The following NRXN1 variants were observed in gnomAD, a reference collection of about 807,000 sequenced individuals.
The protein encoded by NRXN1 is neurexin 1.
In NRXN1, 39 loss-of-function variants were observed where a neutral mutation model predicts 150.9. That is an observed-to-expected ratio of 0.26 (90% CI 0.20 to 0.34). The LOEUF (loss-of-function observed/expected upper bound fraction) is 0.34, where lower values mean the gene tolerates loss of function less well. Ranked by LOEUF, NRXN1 falls within the 10% of genes least tolerant of loss-of-function variation. The pLI is 1.00. For synonymous variants in NRXN1, 924 were observed against 757.0 expected (o/e 1.22, Z -3.62); for missense variants, 1,815 against 1,949.9 (o/e 0.93, Z 1.30).
chr2:50,820,400 G>A (rs1032971516), intron 5 of NRXN1, among the ~76,000 whole-genome samples: 2 of 152,106 alleles, frequency 1.3e-5, no homozygotes, highest in South Asian at 2.1e-4. Context: ...ATGACTGACA[G>A]TTCAGTGGAG....
chr2:50,417,220 A>G (rs929475393), intron 17 of NRXN1: 1 of 152,070 alleles, frequency 6.6e-6, no homozygotes, highest in Non-Finnish European at 1.5e-5. Context: ...CCCATCCTCC[A>G]CAAGATTGAG....
chr2:50,820,415 T>A (rs1275068930), intron 5 of NRXN1, among the ~76,000 whole-genome samples: 2 of 152,142 alleles, frequency 1.3e-5, no homozygotes, highest in East Asian at 3.9e-4. Flanking sequence ...GTGGAGGGTG[T>A]CCTTTTGACA....
intron 21 of NRXN1, among the ~76,000 whole-genome samples, chr2:50,029,875 G>A (rs1037309359): frequency 6.6e-6 from 1 of 151,918 alleles, no homozygotes; most frequent in African/African-American, 2.4e-5. Flanking sequence ...AACCTTATAA[G>A]AATATCTATC....
chr2:50,249,285 G>C (rs1712914), intron 17 of NRXN1, among the ~76,000 whole-genome samples: 4 of 151,718 alleles, frequency 2.6e-5, no homozygotes, highest in Non-Finnish European at 5.9e-5. Context: ...AATCCTATGA[G>C]AGATCACTTT....
At chr2:50,411,279 T>C (rs1486764681) in intron 17 of NRXN1, among the ~76,000 whole-genome samples, 2 of 152,178 alleles carry the variant, frequency 1.3e-5, no homozygotes, top group African/African-American at 2.4e-5. Context: ...CTGCCAGCCT[T>C]GGCCTCCCGA....
At chr2:50,725,645 C>A (rs376364239) in intron 5 of NRXN1, among the ~76,000 whole-genome samples, 38 of 152,048 alleles carry the variant, frequency 2.5e-4, no homozygotes, top group African/African-American at 8.9e-4. Context: ...TAGAAAATGC[C>A]CTTCTTACAA....
chr2:50,245,369 A>G (rs1382949033), intron 17 of NRXN1, among the ~76,000 whole-genome samples: 2 of 151,936 alleles, frequency 1.3e-5, no homozygotes, highest in African/African-American at 4.8e-5. Flanking sequence ...GTAATCCCAC[A>G]ACCAATAATC....
At chr2:50,939,210 CAAAAAAAAAA>C (rs78496825) in intron 2 of NRXN1, among the ~76,000 whole-genome samples, 1 of 68,318 alleles carries the variant, frequency 1.5e-5, no homozygotes, top group African/African-American at 5.1e-5. Flanking sequence ...GACTCCATCT[CAAAAAAAAAA>C]AAAAAAAAAA....
chr2:49,993,571 G>C lies in NRXN1; in HGVS notation c.4129-49780C>G, dbSNP rs141583712. ...TGGTTGATTATGATGTGTCAATGCA[G>C]GCTCACCAATTGTAACAAATGCACT... On this transcript the variant is annotated intron_variant, in intron 21 of 22. Transcript: ENST00000401669. Among the ~76,000 whole-genome samples the C allele has an allele frequency of 8.5e-3, 1,287 of 152,198 alleles. 18 individuals are homozygous for C. Among genetic ancestry groups the C allele is most frequent in the African/African-American group, 0.029 (1,208 of 41,522 alleles).
intron 19 of NRXN1, among the ~76,000 whole-genome samples, chr2:50,060,646 C>T (rs1257610721): frequency 6.6e-6 from 1 of 152,100 alleles, no homozygotes; most frequent in Non-Finnish European, 1.5e-5. Context: ...ATGGGAGACA[C>T]CCAGTGGGAG....
At position 50,435,737 on chromosome 2, in the gene NRXN1, G is replaced by A. The variant is rs75949086; in HGVS notation, c.3364+29705C>T. Among the ~76,000 whole-genome samples the A allele has an allele frequency of 3.0e-3, 454 of 152,230 alleles. 5 individuals are homozygous for A. The highest frequency in any genetic ancestry group is 0.01 in the African/African-American group (423 of 41,542). On this transcript the variant is annotated intron_variant, in intron 17 of 22. Coordinates refer to ENST00000401669, the MANE Select transcript of NRXN1 (RefSeq NM_001330078.2). ...ATCACCAGACTGTTCTCACTATCAA[G>A]TGGGAGCTAAACATTGAGAACACAT... is the stretch of plus-strand genomic sequence containing the variant.
chr2:50,318,631 T>A (rs1049062329), intron 17 of NRXN1, among the ~76,000 whole-genome samples: 2 of 152,002 alleles, frequency 1.3e-5, no homozygotes, highest in Non-Finnish European at 2.9e-5. Context: ...AATGCTATAA[T>A]AAACCCCAAA....
At position 50,061,855 on chromosome 2, in the gene NRXN1, C is replaced by T. The variant is rs555033472; in HGVS notation, c.3719-6811G>A. 9.2e-5 allele frequency among the ~76,000 whole-genome samples: 14 copies of T among 152,120 alleles called. No homozygotes were observed. In the South Asian group the frequency reaches 1.9e-3, roughly 20 times the overall value. On this transcript the variant is annotated intron_variant, in intron 19 of 22. Transcript: ENST00000401669. ...TCAGTGACAACATACATGCCTCTGC[C>T]GAAGTAATTTTCAAGCAATGAAACT...
intron 2 of NRXN1, among the ~76,000 whole-genome samples, chr2:51,004,062 G>C (rs915384491): frequency 3.5e-5 from 5 of 142,924 alleles, no homozygotes; most frequent in South Asian, 2.2e-4. Flanking sequence ...CTTGTGTGGT[G>C]GTGGGGGAAA....
At chr2:50,019,484 A>C (rs1004754988) in intron 21 of NRXN1, among the ~76,000 whole-genome samples, 3 of 151,004 alleles carry the variant, frequency 2.0e-5, no homozygotes, top group African/African-American at 7.3e-5. Context: ...CTCTACTAAA[A>C]ATACAAAAAT....
chr2:50,874,045 C>G (rs760143199), intron 5 of NRXN1, among the ~76,000 whole-genome samples: 1 of 151,816 alleles, frequency 6.6e-6, no homozygotes, highest in Non-Finnish European at 1.5e-5. Flanking sequence ...TAGGACACAA[C>G]GTAGTATTTT....
In NRXN1 at chr2:49,927,036, A is replaced by G. The variant is rs146244448; in HGVS notation, c.4217-4785T>C. Among the ~76,000 whole-genome samples the G allele has an allele frequency of 3.9e-4, 59 of 152,088 alleles. No homozygotes were observed. In the East Asian group the frequency reaches 0.011, roughly 28 times the overall value. On this transcript the variant is annotated intron_variant, in intron 22 of 22. Transcript: ENST00000401669. ...AATTATCCTTGTAGGGGCCCTCCCC[A>G]CCCCCAGGTAAATGAAGAAGGTCAG...
Position 50,828,278 on chromosome 2 carries a change from C to A in NRXN1, c.832+93591G>T, listed in dbSNP as rs1277012774. 3.6e-5 allele frequency among the ~76,000 whole-genome samples: 5 copies of A among 137,472 alleles called. No individual in the cohort carries two copies. The East Asian group carries it at 7.1e-4, about 20-fold the overall frequency. 90.2% of individuals were successfully genotyped at this position (137,472 alleles called of 152,430 possible). A position where few individuals can be genotyped will look rare whatever the true frequency, so the allele number is the denominator to read the frequency against. On this transcript the variant is annotated intron_variant, in intron 5 of 22. Transcript: ENST00000401669. ...CGGCTGGCCGGGCGGGGGGCTGACC[C>A]CCCCCACCTCCCTCCCGGACGGGGC...
intron 2 of NRXN1, among the ~76,000 whole-genome samples, chr2:50,953,865 C>A (rs891329035): frequency 5.3e-5 from 8 of 152,116 alleles, no homozygotes; most frequent in African/African-American, 1.9e-4. Flanking sequence ...CCATTCTCAA[C>A]TGACAAATAT....
Sources: gnomAD v4.1 joint callset for allele counts (sites outside exome capture counted in the v4.1 genomes callset) on GRCh38, gnomAD v4.1.1 for gene constraint, MANE v1.5 for transcripts, NCBI Gene and HGNC (gene_info 2026-07-23, HGNC 2026-07-21) for gene names.